The following NPAS3 variants were observed in gnomAD, a reference collection of about 807,000 sequenced individuals.
NPAS3 encodes neuronal PAS domain-containing protein 3.
In NPAS3, 14 loss-of-function variants were observed where a neutral mutation model predicts 73.1. That is an observed-to-expected ratio of 0.19 (90% confidence interval 0.13 to 0.30). The LOEUF is 0.30. Among genes scored for constraint, NPAS3 ranks in the 10% least tolerant of loss-of-function variants. The probability of loss-of-function intolerance (pLI) is 1.00; values close to 1 mark genes in which losing one functional copy is unlikely to be tolerated. For synonymous variants in NPAS3, 620 were observed against 541.5 expected, an observed-to-expected ratio of 1.14 and a Z score of -2.01; for missense variants, 1,096 against 1,250.0, an observed-to-expected ratio of 0.88 and a Z score of 1.86.
intron 3 of NPAS3, among the ~76,000 whole-genome samples, chr14:33,255,160 G>A (rs569575330): frequency 1.3e-5 from 2 of 152,252 alleles, no homozygotes; most frequent in South Asian, 4.1e-4. Flanking sequence ...AACATAGCAG[G>A]TTTGGAAATA....
At chr14:33,271,710 T>C (rs368592242) in intron 3 of NPAS3, among the ~76,000 whole-genome samples, 1 of 152,198 alleles carries the variant, frequency 6.6e-6, no homozygotes, top group African/African-American at 2.4e-5. Context: ...CCACACTTAC[T>C]AGAGCAGTAT....
At chr14:33,267,757 C>A (rs2139994993) in intron 3 of NPAS3, among the ~76,000 whole-genome samples, 1 of 152,258 alleles carries the variant, frequency 6.6e-6, no homozygotes, top group Non-Finnish European at 1.5e-5. Flanking sequence ...TTACAGATTT[C>A]CTGAGGTGGG....
chr14:33,291,467 A>G (rs1222761599), intron 3 of NPAS3, among the ~76,000 whole-genome samples: 1 of 152,174 alleles, frequency 6.6e-6, no homozygotes, highest in Non-Finnish European at 1.5e-5. Flanking sequence ...GTAAATGTTG[A>G]TTTTATCATT....
intron 1 of NPAS3, among the ~76,000 whole-genome samples, chr14:33,055,514 A>G (rs1021688774): frequency 1.3e-5 from 2 of 152,258 alleles, no homozygotes; most frequent in South Asian, 2.1e-4. Flanking sequence ...TACAATAGTA[A>G]TGCATGATTG....
chr14:33,428,007 G>T (rs577385822), intron 4 of NPAS3, among the ~76,000 whole-genome samples: 1 of 152,170 alleles, frequency 6.6e-6, no homozygotes, highest in South Asian at 2.1e-4. Flanking sequence ...TGTTATAGTG[G>T]TAGTTTGTGT....
intron 6 of NPAS3, among the ~76,000 whole-genome samples, chr14:33,693,790 C>A (rs549997974): frequency 1.3e-5 from 2 of 152,322 alleles, no homozygotes; most frequent in East Asian, 3.9e-4. Context: ...TTTTCAAAAA[C>A]CAAACCTAAT....
chr14:33,256,954 G>C (rs1350120622), intron 3 of NPAS3, among the ~76,000 whole-genome samples: 1 of 152,272 alleles, frequency 6.6e-6, no homozygotes, highest in Admixed American at 6.5e-5. Context: ...AGGTGACAAA[G>C]AGGTCTGGAA....
intron 5 of NPAS3, among the ~76,000 whole-genome samples, chr14:33,596,428 C>T (rs2057244140): frequency 6.6e-6 from 1 of 152,184 alleles, no homozygotes; most frequent in African/African-American, 2.4e-5. Flanking sequence ...ACAGCCTTGA[C>T]CCCAGTCATC....
chr14:33,381,623 A>G (rs1434422055), intron 4 of NPAS3, among the ~76,000 whole-genome samples: 1 of 152,162 alleles, frequency 6.6e-6, no homozygotes, highest in Non-Finnish European at 1.5e-5. Flanking sequence ...TGGGATTCGA[A>G]CCCTGAGGTG....
At chr14:33,055,671 A>C (rs144800980) in intron 1 of NPAS3, among the ~76,000 whole-genome samples, 47 of 152,326 alleles carry the variant, frequency 3.1e-4, no homozygotes, top group African/African-American at 8.4e-4. Flanking sequence ...ATTTAAAAAA[A>C]AAAACAAAAC....
At chr14:33,750,329 A>AT (rs2061928884) in intron 7 of NPAS3, among the ~76,000 whole-genome samples, 1 of 151,976 alleles carries the variant, frequency 6.6e-6, no homozygotes, top group African/African-American at 2.4e-5. Flanking sequence ...ATGAGGTGAT[A>AT]TTTCAGCAGT....
intron 7 of NPAS3, among the ~76,000 whole-genome samples, chr14:33,756,398 G>A (rs191600396): frequency 1.5e-4 from 23 of 152,186 alleles, no homozygotes; most frequent in Admixed American, 9.8e-4. Context: ...TTTTCTAAAG[G>A]GAATCTTATA....
intron 1 of NPAS3, among the ~76,000 whole-genome samples, chr14:33,025,305 T>C (rs946075991): frequency 1.3e-5 from 2 of 152,218 alleles, no homozygotes; most frequent in Non-Finnish European, 2.9e-5. Context: ...TGTCTTAATC[T>C]TAAAAATGGG....
chr14:33,555,896 C>CTGTGTGTGTGTGTG (rs60426737), intron 4 of NPAS3, among the ~76,000 whole-genome samples: 1 of 151,220 alleles, frequency 6.6e-6, no homozygotes, highest in African/African-American at 2.4e-5. Context: ...GTTGGTGTGT[C>CTGTGTGTGTGTGTG]TGTGTGTGTG....
intron 1 of NPAS3, among the ~76,000 whole-genome samples, chr14:32,975,728 G>T (rs1476575241): frequency 1.3e-5 from 2 of 151,966 alleles, no homozygotes; most frequent in African/African-American, 2.4e-5. Flanking sequence ...GATCATGAAG[G>T]ATTGATAGCT....
chr14:33,192,916 T>A (rs1566659532), intron 2 of NPAS3, among the ~76,000 whole-genome samples: 1 of 152,242 alleles, frequency 6.6e-6, no homozygotes, highest in South Asian at 2.1e-4. Flanking sequence ...TTTTACATTT[T>A]AGCTTACTTG....
intron 3 of NPAS3, among the ~76,000 whole-genome samples, chr14:33,313,035 T>G (rs1300779876): frequency 6.6e-6 from 1 of 152,016 alleles, no homozygotes; most frequent in Non-Finnish European, 1.5e-5. Context: ...AATGAGCTCA[T>G]GAAAATGCAT....
chr14:33,201,855 C>T (rs148203706), intron 2 of NPAS3, among the ~76,000 whole-genome samples: 1 of 152,174 alleles, frequency 6.6e-6, no homozygotes. Flanking sequence ...GTGCTTTCCT[C>T]CATCTGAGAA....
At chr14:33,232,756 T>C (rs2047897296) in intron 3 of NPAS3, among the ~76,000 whole-genome samples, 1 of 152,212 alleles carries the variant, frequency 6.6e-6, no homozygotes, top group Non-Finnish European at 1.5e-5. Flanking sequence ...TTCATGGTCT[T>C]GTTCAAAGAA....
Sources: allele counts gnomAD v4.1 joint callset (sites outside exome capture counted in the v4.1 genomes callset), GRCh38; gene constraint gnomAD v4.1.1; transcripts MANE v1.5; gene names NCBI Gene and HGNC (gene_info 2026-07-23, HGNC 2026-07-21).